Variants in PCDHA8 observed in about 807,000 individuals in gnomAD.
The protein encoded by PCDHA8 is protocadherin alpha-8.
In PCDHA8, 53 loss-of-function variants were observed where a neutral mutation model predicts 61.8. The observed-to-expected ratio is 0.86, with a 90% CI of 0.69 to 1.08. PCDHA8 has a LOEUF of 1.08. PCDHA8 is among the 50% of genes least tolerant of loss of function. PCDHA8 has a pLI of 0.00. For missense variants in PCDHA8, 1,293 were observed against 1,245.0 expected, an observed-to-expected ratio of 1.04 and a Z score of -0.58; for synonymous variants, 618 against 556.6, an observed-to-expected ratio of 1.11 and a Z score of -1.55.
intron 1 of PCDHA8, among the ~76,000 whole-genome samples, chr5:140,908,899 C>CT (rs1382483322): frequency 6.6e-6 from 1 of 152,194 alleles, no homozygotes; most frequent in Non-Finnish European, 1.5e-5. Flanking sequence ...AAATAAGCCT[C>CT]TTTCGTGGTT....
intron 1 of PCDHA8, chr5:140,857,647 G>T: frequency 6.3e-7 from 1 of 1,596,858 alleles, no homozygotes; most frequent in Non-Finnish European, 8.6e-7. Flanking sequence ...TACAGTTCCA[G>T]GTGAGCGCGC....
At chr5:140,901,006 C>T (rs2068410974) in intron 1 of PCDHA8, among the ~76,000 whole-genome samples, 2 of 152,070 alleles carry the variant, frequency 1.3e-5, no homozygotes, top group African/African-American at 4.8e-5. Flanking sequence ...AGTATGTCTT[C>T]TTTTGAGAAA....
chr5:140,978,701 G>A (rs1240672824), intron 1 of PCDHA8, among the ~76,000 whole-genome samples: 1 of 152,236 alleles, frequency 6.6e-6, no homozygotes, highest in African/African-American at 2.4e-5. Context: ...AAAGCCAAAG[G>A]TGGCCTTTAC....
At position 140,961,643 on chromosome 5, in the gene PCDHA8, A is replaced by G. The variant is rs533824470; in HGVS notation, c.2395-17306A>G. Reference sequence around the variant, plus strand: ...CCATATGAAAAACAATCTTAAGTCTATGTGGTTAGTTTGAAGTTACCAGTT... The same window carrying G: ...CCATATGAAAAACAATCTTAAGTCTGTGTGGTTAGTTTGAAGTTACCAGTT... On this transcript the variant is annotated intron_variant, in intron 1 of 3. Coordinates refer to ENST00000531613, the MANE Select transcript of PCDHA8 (RefSeq NM_018911.3). Among the ~76,000 whole-genome samples the G allele has an allele frequency of 7.2e-5, 11 of 152,324 alleles. No homozygotes were observed. The East Asian group carries it at 1.9e-3, about 27-fold the overall frequency.
At chr5:140,871,301 C>G in intron 1 of PCDHA8, 4 of 1,613,916 alleles carry the variant, frequency 2.5e-6, no homozygotes, top group Middle Eastern at 1.7e-4. Flanking sequence ...GCGTGCGCGC[C>G]GGGGAAGCCC....
At chr5:140,884,068 T>A (rs1554181200) in intron 1 of PCDHA8, 1 of 1,613,416 alleles carries the variant, frequency 6.2e-7, no homozygotes. Context: ...TGGACGCCGA[T>A]TCGGGCTACA....
intron 1 of PCDHA8, chr5:140,843,946 C>A: frequency 1.8e-6 from 1 of 563,342 alleles, no homozygotes; most frequent in Non-Finnish European, 3.1e-6. Context: ...TGGATGATAT[C>A]CATTTTTTAC....
At chr5:140,858,455 AT>A in intron 1 of PCDHA8, 2 of 1,529,258 alleles carry the variant, frequency 1.3e-6, no homozygotes, top group Non-Finnish European at 1.8e-6. Context: ...TTACGTTTTC[AT>A]TTTCCTTTTG....
chr5:140,884,051 C>T (rs782045843), intron 1 of PCDHA8: 4 of 1,613,308 alleles, frequency 2.5e-6, no homozygotes, highest in Non-Finnish European at 2.5e-6. Context: ...GGCGAAGGTG[C>T]GCGCGGTGGA....
At chr5:140,946,575 G>A (rs1554217641) in intron 1 of PCDHA8, among the ~76,000 whole-genome samples, 3 of 140,788 alleles carry the variant, frequency 2.1e-5, no homozygotes, top group Non-Finnish European at 4.6e-5. Flanking sequence ...ATCAACTTAG[G>A]TGTTCATAGT....
rs116202025 is a variant in PCDHA8, at chr5:140,975,505, A to G, written c.2395-3444A>G. ...ATATCAATGTTCATAAAATAGCACTATGCAAAATCTGCAGTGGATATATTC... is the reference window on the plus strand; with the variant it reads ...ATATCAATGTTCATAAAATAGCACTGTGCAAAATCTGCAGTGGATATATTC... On this transcript the variant is annotated intron_variant, in intron 1 of 3. Transcript: ENST00000531613. Among the ~76,000 whole-genome samples, 512 of 152,350 alleles carry G rather than the reference A, an allele frequency of 3.4e-3. 3 individuals are homozygous for G. Among genetic ancestry groups the G allele is most frequent in the Middle Eastern group, 6.8e-3 (2 of 294 alleles).
In PCDHA8 at chr5:140,843,394, G is replaced by T. The variant is rs2150359132; in HGVS notation, c.2073G>T (p.Ala691=). ...CGGCTGGCGTTTTGGGTCCGGAAGC[G>T]GCGCTGGTGGATGTCAACGTGTACC... is the stretch of plus-strand genomic sequence containing the variant. The part of the protein sequence containing the change: ...RQSAGVLGPE[A]ALVDVNVYLI... Residue 691 remains alanine (A), a synonymous_variant, in exon 1 of 4, where the codon GCG becomes GCT. Transcript: ENST00000531613. 3 of 1,596,026 alleles carry T rather than the reference G, an allele frequency of 1.9e-6. No individual in the cohort carries two copies. The East Asian group carries it at 6.7e-5, about 36-fold the overall frequency.
At chr5:140,870,746 T>A in intron 1 of PCDHA8, 1 of 1,613,488 alleles carries the variant, frequency 6.2e-7, no homozygotes, top group South Asian at 1.1e-5. Flanking sequence ...AGCAGCAACG[T>A]GACGCTGCAG....
At chr5:140,924,104 C>A (rs538996937) in intron 1 of PCDHA8, among the ~76,000 whole-genome samples, 20 of 152,306 alleles carry the variant, frequency 1.3e-4, no homozygotes, top group Middle Eastern at 6.8e-3. Context: ...AATTTTCATT[C>A]CAAAGCAGTT....
chr5:140,965,236 A>G (rs1374558346), intron 1 of PCDHA8, among the ~76,000 whole-genome samples: 1 of 152,222 alleles, frequency 6.6e-6, no homozygotes, highest in African/African-American at 2.4e-5. Flanking sequence ...GAACCTGGGA[A>G]GAGTGAATAT....
At chr5:140,982,436 T>G (rs782353079) in intron 2 of PCDHA8, 39 bp from the exon 3 acceptor site, 18 of 1,613,262 alleles carry the variant, frequency 1.1e-5, no homozygotes, top group Non-Finnish European at 1.5e-5. Context: ...GGAAAGAATT[T>G]ATGATCTAAC....
intron 1 of PCDHA8, among the ~76,000 whole-genome samples, chr5:140,910,781 A>G (rs1402088509): frequency 3.9e-5 from 6 of 152,220 alleles, no homozygotes; most frequent in Non-Finnish European, 8.8e-5. Flanking sequence ...AAGCTGCAAC[A>G]TTAAATGCAG....
chr5:140,935,388 T>C (rs2090344079), intron 1 of PCDHA8, among the ~76,000 whole-genome samples: 1 of 152,240 alleles, frequency 6.6e-6, no homozygotes, highest in African/African-American at 2.4e-5. Context: ...TCATTTGTTA[T>C]CCCACGGGAC....
chr5:140,926,997 C>G (rs782110120), intron 1 of PCDHA8: 4 of 1,612,104 alleles, frequency 2.5e-6, no homozygotes, highest in African/African-American at 2.7e-5. Flanking sequence ...GGGGCGTAGC[C>G]GTAGGCAATC....
Sources: gnomAD v4.1 joint callset for allele counts (sites outside exome capture counted in the v4.1 genomes callset) on GRCh38, gnomAD v4.1.1 for gene constraint, MANE v1.5 for transcripts, NCBI Gene and HGNC (gene_info 2026-07-23, HGNC 2026-07-21) for gene names.